The following GRXCR2 variants were observed in gnomAD, a reference collection of about 807,000 sequenced individuals.
GRXCR2 encodes the protein glutaredoxin domain-containing cysteine-rich protein 2.
In GRXCR2, 23 loss-of-function variants were observed where a neutral mutation model predicts 24.8. The observed-to-expected ratio is 0.93, with a 90% CI of 0.67 to 1.32. The LOEUF (loss-of-function observed/expected upper bound fraction) is 1.32. GRXCR2 is among the 40% of genes most tolerant of loss of function. GRXCR2 has a pLI of 0.00. For missense variants in GRXCR2, 315 were observed against 303.4 expected (o/e 1.04, Z -0.28); for synonymous variants, 130 against 116.1 (o/e 1.12, Z -0.77).
At chr5:145,928,502 T>C (rs1358731738) in intron 2 of GRXCR2, among the ~76,000 whole-genome samples, 1 of 151,968 alleles carries the variant, frequency 6.6e-6, no homozygotes, top group African/African-American at 2.4e-5. Flanking sequence ...TGGAACCAAG[T>C]CAAATGTCCA....
rs190000164 is a variant in GRXCR2 at position 145,923,935 on chromosome 5, G to A, written c.-70+11766C>T. 3.0e-3 allele frequency among the ~76,000 whole-genome samples: 457 copies of A among 152,174 alleles called. 1 individual carries two copies. The highest frequency in any genetic ancestry group is 0.011 in the African/African-American group (437 of 41,504). On this transcript the variant is annotated intron_variant, in intron 2 of 3. Coordinates refer to the GRXCR2 transcript ENST00000639411. ...TTGTATATATCCCTTTGCATACTTT[G>A]TGAGCGTTTCTCTTGAATGAACTTC...
At chr5:145,870,630 T>C (rs1338932137) in intron 1 of GRXCR2, among the ~76,000 whole-genome samples, 1 of 152,246 alleles carries the variant, frequency 6.6e-6, no homozygotes, top group Non-Finnish European at 1.5e-5. Flanking sequence ...AGCCAATATT[T>C]ACTAGGAAGT....
chr5:145,908,106 T>G (rs374401339), intron 2 of GRXCR2, among the ~76,000 whole-genome samples: 1 of 152,190 alleles, frequency 6.6e-6, no homozygotes, highest in South Asian at 2.1e-4. Context: ...CAATGTCATG[T>G]CTTCTTTGTC....
intron 2 of GRXCR2, among the ~76,000 whole-genome samples, chr5:145,865,114 C>T (rs1756406165): frequency 6.6e-6 from 1 of 152,160 alleles, no homozygotes; most frequent in African/African-American, 2.4e-5. Context: ...CCTTCTTGTT[C>T]TCATCATCTG....
chr5:145,900,017 G>A (rs571555458), intron 2 of GRXCR2, among the ~76,000 whole-genome samples: 1 of 152,226 alleles, frequency 6.6e-6, no homozygotes, highest in South Asian at 2.1e-4. Flanking sequence ...ATCCGACAAA[G>A]TTTTAACAAC....
At chr5:145,901,556 A>T (rs1005371778) in intron 2 of GRXCR2, among the ~76,000 whole-genome samples, 1 of 152,216 alleles carries the variant, frequency 6.6e-6, no homozygotes, top group East Asian at 1.9e-4. Context: ...TAGTGGAGGG[A>T]AACACAATAT....
rs1756290298 is a variant in GRXCR2, at chr5:145,859,353, T to C, written c.*380A>G. The C allele has an allele frequency of 5.2e-6, 1 of 191,254 alleles. No individual in the cohort carries two copies. The highest frequency in any genetic ancestry group is 2.3e-5 in the African/African-American group (1 of 42,570). 11.8% of individuals were successfully genotyped at this position (191,254 alleles called of 1,614,324 possible). A position where few individuals can be genotyped will look rare whatever the true frequency, so the allele number is the denominator to read the frequency against. The stretch of plus-strand genomic sequence containing the variant: ...GAAATCAGTTCATCAGAAACCTGCC[T>C]TTTTTACTCCTTTCTCACCACATAA... On this transcript the variant is annotated 3_prime_UTR_variant, in exon 3 of 3. Coordinates refer to ENST00000377976, the MANE Select transcript of GRXCR2 (RefSeq NM_001080516.2).
At chr5:145,864,531 G>A (rs12518399) in intron 2 of GRXCR2, among the ~76,000 whole-genome samples, 13,160 of 152,106 alleles carry the variant, frequency 0.087, 1,216 homozygotes, top group African/African-American at 0.22. Context: ...AAGGTGATTG[G>A]ATCATGGGGG....
chr5:145,859,995 TACAGCAAAG>T, intron 2 of GRXCR2, 80 bp from the exon 3 acceptor site: 4 of 1,175,616 alleles, frequency 3.4e-6, no homozygotes, highest in East Asian at 2.6e-5. Context: ...AGCACTAGAC[TACAGCAAAG>T]GCTGGGGCAG....
At chr5:145,882,872 G>C (rs1187905398) in intron 2 of GRXCR2, among the ~76,000 whole-genome samples, 1 of 152,092 alleles carries the variant, frequency 6.6e-6, no homozygotes, top group Non-Finnish European at 1.5e-5. Flanking sequence ...GTCCTTTGCA[G>C]GGACATGGAT....
chr5:145,860,762 C>G (rs1756323485), intron 2 of GRXCR2, among the ~76,000 whole-genome samples: 1 of 152,114 alleles, frequency 6.6e-6, no homozygotes, highest in Admixed American at 6.5e-5. Flanking sequence ...TTCCCTTAGC[C>G]TCTCCCAATC....
intron 2 of GRXCR2, among the ~76,000 whole-genome samples, chr5:145,920,292 G>C (rs554550257): frequency 6.6e-6 from 1 of 152,286 alleles, no homozygotes; most frequent in East Asian, 1.9e-4. Context: ...TCGCCTGAAA[G>C]CTAGTTAGAG....
In GRXCR2 at chr5:145,925,673, T is replaced by C. The variant is rs148190821; in HGVS notation, c.-70+10028A>G. On this transcript the variant is annotated intron_variant, in intron 2 of 3. Transcript: ENST00000639411. Reference sequence around the variant, plus strand: ...TTCCTGCACCATGGGATGTAGATTGTGTGAAAGAGAGACACAATTTATAAG... The same window carrying C: ...TTCCTGCACCATGGGATGTAGATTGCGTGAAAGAGAGACACAATTTATAAG... 2.9e-3 allele frequency among the ~76,000 whole-genome samples: 447 copies of C among 152,310 alleles called. 4 individuals carry two copies. Among genetic ancestry groups the C allele is most frequent in the African/African-American group, 0.01 (428 of 41,580 alleles).
chr5:145,863,593 A>T (rs967275810), intron 2 of GRXCR2, among the ~76,000 whole-genome samples: 3 of 152,208 alleles, frequency 2.0e-5, no homozygotes, highest in Non-Finnish European at 2.9e-5. Context: ...GAATTAAAAA[A>T]TTTTATAGTG....
intron 2 of GRXCR2, among the ~76,000 whole-genome samples, chr5:145,881,518 A>T (rs1581338763): frequency 6.6e-6 from 1 of 152,232 alleles, no homozygotes; most frequent in Non-Finnish European, 1.5e-5. Flanking sequence ...TGCTCAACGA[A>T]ATAAAAGAGG....
At chr5:145,914,513 T>C (rs1443987903) in intron 2 of GRXCR2, among the ~76,000 whole-genome samples, 9 of 151,684 alleles carry the variant, frequency 5.9e-5, no homozygotes, top group African/African-American at 2.2e-4. Flanking sequence ...CTGGCTCTAC[T>C]AAAAATACAA....
At chr5:145,895,785 A>C (rs1259292787) in intron 2 of GRXCR2, among the ~76,000 whole-genome samples, 6 of 152,200 alleles carry the variant, frequency 3.9e-5, no homozygotes, top group South Asian at 2.1e-4. Flanking sequence ...AAACTACTTT[A>C]AAGTTCGTAT....
chr5:145,860,297 T>C (rs1299252627), intron 2 of GRXCR2, among the ~76,000 whole-genome samples: 3 of 152,152 alleles, frequency 2.0e-5, no homozygotes, highest in Non-Finnish European at 4.4e-5. Context: ...CCAGGTGCTG[T>C]TCTAAGTGCT....
At chr5:145,908,814 T>A (rs748311340) in intron 2 of GRXCR2, among the ~76,000 whole-genome samples, 1 of 152,172 alleles carries the variant, frequency 6.6e-6, no homozygotes, top group Non-Finnish European at 1.5e-5. Context: ...TCAAGGCTGC[T>A]GGGAGGTAGA....
Sources: gnomAD v4.1 joint callset for allele counts (sites outside exome capture counted in the v4.1 genomes callset) on GRCh38, gnomAD v4.1.1 for gene constraint, MANE v1.5 for transcripts, NCBI Gene and HGNC (gene_info 2026-07-23, HGNC 2026-07-21) for gene names.